The following CRISPLD2 variants were observed in gnomAD, a reference collection of about 807,000 sequenced individuals.
CRISPLD2 encodes cysteine-rich secretory protein LCCL domain-containing 2.
A neutral mutation model predicts 71.1 loss-of-function variants in CRISPLD2; 47 were observed. That is an observed-to-expected ratio of 0.66 (90% CI 0.52 to 0.84). The LOEUF is 0.84. CRISPLD2 is among the 40% of genes least tolerant of loss of function. The pLI, the probability that CRISPLD2 is intolerant of heterozygous loss-of-function variation, is 0.00. For synonymous variants in CRISPLD2, 317 were observed against 250.1 expected, an observed-to-expected ratio of 1.27 and a Z score of -2.52; for missense variants, 830 against 651.1, an observed-to-expected ratio of 1.27 and a Z score of -2.99.
rs1379324543 is a variant in CRISPLD2, at chr16:84,854,713, T to C, written c.609-16T>C. 1.2e-6 allele frequency: 2 copies of C among 1,607,450 alleles called. No individual in the cohort carries two copies. The highest frequency in any genetic ancestry group is 1.1e-5 in the South Asian group (1 of 90,978). On this transcript the variant is annotated splice_polypyrimidine_tract_variant and intron_variant, in intron 5 of 14. Transcript: ENST00000262424. ...TCGTGGTTCCCTCTGACGGTTGTTT[T>C]TGGGTCTGTCCTCAGGGGGAACTGG...
chr16:84,862,154 C>T (rs1191935769), intron 6 of CRISPLD2, among the ~76,000 whole-genome samples: 1 of 152,108 alleles, frequency 6.6e-6, no homozygotes, highest in African/African-American at 2.4e-5. Flanking sequence ...CTCGCCCCCA[C>T]TCCCACAGCT....
intron 3 of CRISPLD2, among the ~76,000 whole-genome samples, chr16:84,846,898 A>G (rs946433152): frequency 6.6e-6 from 1 of 152,224 alleles, no homozygotes; most frequent in Non-Finnish European, 1.5e-5. Context: ...AAGCTGGACC[A>G]TGTATCCGTG....
chr16:84,870,851 G>C (rs933764257), intron 8 of CRISPLD2, among the ~76,000 whole-genome samples: 1 of 151,974 alleles, frequency 6.6e-6, no homozygotes, highest in African/African-American at 2.4e-5. Context: ...TTAAGGCCAA[G>C]AGTTTGAGAC....
intron 14 of CRISPLD2, among the ~76,000 whole-genome samples, chr16:84,891,562 A>G (rs2071663026): frequency 6.6e-6 from 1 of 152,190 alleles, no homozygotes; most frequent in African/African-American, 2.4e-5. Context: ...ATTAGGAGGA[A>G]TTTCCTGGCC....
intron 13 of CRISPLD2, among the ~76,000 whole-genome samples, chr16:84,883,029 C>G (rs1450676507): frequency 3.3e-5 from 5 of 152,150 alleles, no homozygotes; most frequent in Non-Finnish European, 7.3e-5. Context: ...TTTGGGACCA[C>G]TGTGCTCATG....
chr16:84,834,882 C>A (rs1346986920), intron 1 of CRISPLD2, among the ~76,000 whole-genome samples: 3 of 152,172 alleles, frequency 2.0e-5, no homozygotes, highest in Middle Eastern at 3.4e-3. Context: ...AGGGCCCAAC[C>A]TCATGGCCTC....
chr16:84,846,603 C>T (rs1369186457), intron 3 of CRISPLD2, among the ~76,000 whole-genome samples: 2 of 152,128 alleles, frequency 1.3e-5, no homozygotes, highest in East Asian at 3.9e-4. Flanking sequence ...CTTGAGTCCC[C>T]GTTCCTGTGG....
chr16:84,886,180 G>A (rs1483441142), intron 13 of CRISPLD2, among the ~76,000 whole-genome samples: 1 of 152,188 alleles, frequency 6.6e-6, no homozygotes, highest in African/African-American at 2.4e-5. Context: ...GTAAGCCACC[G>A]CGCCGGCCAA....
chr16:84,883,779 T>G (rs572279599), intron 13 of CRISPLD2, among the ~76,000 whole-genome samples: 1 of 152,192 alleles, frequency 6.6e-6, no homozygotes, highest in Admixed American at 6.5e-5. Context: ...GGCATTTGTC[T>G]TGACTGACGC....
rs1241099744 is a variant in CRISPLD2, at chr16:84,906,580, T to C, written c.1440-8T>C. 2.5e-6 allele frequency: 4 copies of C among 1,612,318 alleles called. No individual in the cohort carries two copies. The highest frequency in any genetic ancestry group is 2.5e-6 in the Non-Finnish European group (3 of 1,180,010). Reference sequence around the variant, plus strand: ...TCAGTAACGGGCCCTCTTTCTTCTTTTTTTCAGCCTGGGGACTCCTCGGGA... The same window carrying C: ...TCAGTAACGGGCCCTCTTTCTTCTTCTTTTCAGCCTGGGGACTCCTCGGGA... On this transcript the variant is annotated splice_polypyrimidine_tract_variant and splice_region_variant and intron_variant, in intron 14 of 14. Coordinates refer to ENST00000262424, the MANE Select transcript of CRISPLD2 (RefSeq NM_031476.4).
intron 1 of CRISPLD2, chr16:84,836,458 C>T (rs370968435): frequency 6.6e-6 from 1 of 152,196 alleles, no homozygotes; most frequent in East Asian, 1.9e-4. Flanking sequence ...AGGTCCTCCC[C>T]ACGCAGCCCC....
intron 13 of CRISPLD2, among the ~76,000 whole-genome samples, chr16:84,886,042 A>T (rs529101779): frequency 1.3e-5 from 2 of 151,962 alleles, no homozygotes; most frequent in East Asian, 1.9e-4. Context: ...GCTCATCTTG[A>T]TCCATGCCCA....
At chr16:84,901,511 G>T (rs548892464) in intron 14 of CRISPLD2, among the ~76,000 whole-genome samples, 3 of 140,674 alleles carry the variant, frequency 2.1e-5, no homozygotes, top group Non-Finnish European at 3.0e-5. Context: ...TCCCTGTGTC[G>T]CCCAGGCTGG....
chr16:84,883,646 C>T (rs895612720), intron 13 of CRISPLD2, among the ~76,000 whole-genome samples: 23 of 152,212 alleles, frequency 1.5e-4, no homozygotes, highest in African/African-American at 5.3e-4. Context: ...AGAGAATCTG[C>T]ATTCCAACAA....
rs899774922 is a variant in CRISPLD2 at position 84,898,575 on chromosome 16, C to T, written c.1440-8013C>T. On this transcript the variant is annotated intron_variant, in intron 14 of 14. Transcript: ENST00000262424. ...CCACCATCCAGCCTGCACTTGTCTC[C>T]TGCTCCCTGATGGATCTGTGTCATT... Among the ~76,000 whole-genome samples the T allele has an allele frequency of 2.6e-5, 4 of 152,206 alleles. No homozygotes were observed. The East Asian group carries it at 7.7e-4, about 29-fold the overall frequency.
intron 1 of CRISPLD2, among the ~76,000 whole-genome samples, chr16:84,831,900 A>G (rs993427929): frequency 1.3e-5 from 2 of 152,066 alleles, no homozygotes; most frequent in Non-Finnish European, 2.9e-5. Context: ...ACACCTGGCT[A>G]AGGTTTGTAC....
chr16:84,863,014 G>A (rs543628969), intron 6 of CRISPLD2: 7 of 152,280 alleles, frequency 4.6e-5, no homozygotes, highest in South Asian at 2.1e-4. Flanking sequence ...TGCAGTCTTG[G>A]TGTGACCCCC....
In CRISPLD2 at chr16:84,909,411, A is replaced by G. The variant is rs924962945; in HGVS notation, c.*2769A>G. ...CATGAACAGGGGCCACGTTGTTGCA[A>G]TTGTTTCAGTAGAACTGGTTTGATT... On this transcript the variant is annotated 3_prime_UTR_variant, in exon 15 of 15. Coordinates refer to ENST00000262424, the MANE Select transcript of CRISPLD2 (RefSeq NM_031476.4). 3 of 152,648 alleles carry G rather than the reference A, an allele frequency of 2.0e-5. No homozygotes were observed. The highest frequency in any genetic ancestry group is 4.8e-5 in the African/African-American group (2 of 41,464). The allele number at this position is 152,648 out of a possible 1,614,324, so 9.5% of individuals were successfully genotyped here. A position where few individuals can be genotyped will look rare whatever the true frequency, so the allele number is the denominator to read the frequency against.
At chr16:84,899,753 A>C (rs1476925189) in intron 14 of CRISPLD2, among the ~76,000 whole-genome samples, 1 of 152,166 alleles carries the variant, frequency 6.6e-6, no homozygotes, top group African/African-American at 2.4e-5. Context: ...TGGGCTGGCC[A>C]TGTCTACATC....
Sources: gnomAD v4.1 joint callset for allele counts (sites outside exome capture counted in the v4.1 genomes callset) on GRCh38, gnomAD v4.1.1 for gene constraint, MANE v1.5 for transcripts, NCBI Gene and HGNC (gene_info 2026-07-23, HGNC 2026-07-21) for gene names.